GALNT1: variants seen among roughly 807,000 people sequenced by gnomAD.
GALNT1 encodes the protein GalNAc transferase 1.
GALNT1 carries 17 observed loss-of-function variants against 65.7 expected under a neutral mutation model. The ratio of observed to expected loss-of-function variants is 0.26; its 90% CI spans 0.18 to 0.39. The LOEUF (loss-of-function observed/expected upper bound fraction) is 0.39, where lower values mean the gene tolerates loss of function less well. Ranked by LOEUF, GALNT1 falls within the 10% of genes least tolerant of loss-of-function variation. The probability of loss-of-function intolerance (pLI) is 1.00; values close to 1 mark genes in which losing one functional copy is unlikely to be tolerated. For synonymous variants in GALNT1, 210 were observed against 219.7 expected (o/e 0.96, Z 0.39); for missense variants, 460 against 672.8 (o/e 0.68, Z 3.50).
chr18:35,628,660 C>T (rs906196340), intron 1 of GALNT1, among the ~76,000 whole-genome samples: 3 of 152,054 alleles, frequency 2.0e-5, no homozygotes, highest in African/African-American at 7.3e-5. Context: ...ATCAGAGCAC[C>T]TCTCCTCCTC....
At chr18:35,680,527 A>G (rs1383998985) in intron 4 of GALNT1, among the ~76,000 whole-genome samples, 2 of 152,242 alleles carry the variant, frequency 1.3e-5, no homozygotes, top group Non-Finnish European at 2.9e-5. Context: ...CTAGAATTAT[A>G]TAATGAATGG....
intron 6 of GALNT1, among the ~76,000 whole-genome samples, chr18:35,687,658 G>T (rs933177923): frequency 2.6e-5 from 4 of 151,992 alleles, no homozygotes; most frequent in African/African-American, 7.2e-5. Context: ...AAAATAGCTA[G>T]AATTGACACA....
chr18:35,582,935 G>T (rs770328040), intron 1 of GALNT1, among the ~76,000 whole-genome samples: 1 of 152,102 alleles, frequency 6.6e-6, no homozygotes, highest in Non-Finnish European at 1.5e-5. Context: ...TCAGCTCCTC[G>T]GTCACAGTAG....
chr18:35,597,544 T>C (rs962623398), intron 1 of GALNT1: 6 of 152,348 alleles, frequency 3.9e-5, no homozygotes, highest in Middle Eastern at 3.2e-3. Context: ...GTGTCTGATA[T>C]TGGCCCTTTA....
chr18:35,596,764 T>A (rs2046510185), intron 1 of GALNT1: 1 of 152,264 alleles, frequency 6.6e-6, no homozygotes, highest in South Asian at 2.1e-4. Context: ...ATTCCATTGC[T>A]CATCACATCT....
At chr18:35,648,512 T>C (rs2047267004) in intron 1 of GALNT1, among the ~76,000 whole-genome samples, 1 of 152,234 alleles carries the variant, frequency 6.6e-6, no homozygotes, top group Non-Finnish European at 1.5e-5. Context: ...TTAATCACTA[T>C]ACTTTGATAT....
intron 1 of GALNT1, among the ~76,000 whole-genome samples, chr18:35,652,112 T>A (rs1354441310): frequency 5.9e-5 from 9 of 152,156 alleles, no homozygotes; most frequent in Non-Finnish European, 1.0e-4. Flanking sequence ...TTCTTCCTGG[T>A]ACGGTTATGA....
chr18:35,617,178 A>C (rs1024559647), intron 1 of GALNT1, among the ~76,000 whole-genome samples: 5 of 152,056 alleles, frequency 3.3e-5, no homozygotes, highest in African/African-American at 1.2e-4. Flanking sequence ...CATTTATTAC[A>C]GGTATTTATA....
chr18:35,613,315 A>C (rs1420336742), intron 1 of GALNT1, among the ~76,000 whole-genome samples: 1 of 152,148 alleles, frequency 6.6e-6, no homozygotes, highest in African/African-American at 2.4e-5. Flanking sequence ...AGACTATTCA[A>C]AACTTTAAGA....
At chr18:35,642,764 C>T (rs11877196) in intron 1 of GALNT1, among the ~76,000 whole-genome samples, 41,903 of 151,906 alleles carry the variant, frequency 0.28, 7,065 homozygotes, top group Non-Finnish European at 0.37. Flanking sequence ...TCCCTGGTTC[C>T]CCAAGCATTC....
Position 35,603,988 on chromosome 18 carries a change from T to C in GALNT1, c.-104+22126T>C, listed in dbSNP as rs1362064130. Among the ~76,000 whole-genome samples the C allele has an allele frequency of 3.9e-5, 6 of 152,190 alleles. No homozygotes were observed. The East Asian group carries it at 1.2e-3, about 29-fold the overall frequency. On this transcript the variant is annotated intron_variant, in intron 1 of 11. Transcript: ENST00000269195. ...AGGTTTGTTACATGGGTATATTGCA[T>C]GCCACTGGGGTTTGGTGTGCAGATT...
At chr18:35,684,088 CA>C (rs1292981922) in intron 5 of GALNT1, among the ~76,000 whole-genome samples, 2 of 152,216 alleles carry the variant, frequency 1.3e-5, no homozygotes, top group Non-Finnish European at 2.9e-5. Context: ...GTGTAATGAA[CA>C]CCTGTGGTTA....
At chr18:35,614,339 TAAAAA>T (rs920512677) in intron 1 of GALNT1, among the ~76,000 whole-genome samples, 41 of 152,152 alleles carry the variant, frequency 2.7e-4, no homozygotes, top group Middle Eastern at 3.4e-3. Flanking sequence ...AGTTTAAAGT[TAAAAA>T]AACCATATCA....
Position 35,677,690 on chromosome 18 carries a change from T to C in GALNT1, c.414T>C (p.Ser138=), listed in dbSNP as rs1303740774. The change falls in exon 4 of 12, where the codon AGT becomes AGC. Residue 138 remains serine, a synonymous_variant. Transcript: ENST00000269195. Reference sequence around the variant, plus strand: ...GCACACTTCTGCGAACTGTCCATAGTGTCATTAATCGCTCACCAAGACACA... The same window carrying C: ...GCACACTTCTGCGAACTGTCCATAGCGTCATTAATCGCTCACCAAGACACA... The part of the protein sequence containing the change: ...AWSTLLRTVH[S]VINRSPRHMI... 5 of 1,613,138 alleles carry C rather than the reference T, an allele frequency of 3.1e-6. No individual in the cohort carries two copies. In the Admixed American group the frequency reaches 5.0e-5, roughly 16 times the overall value.
chr18:35,702,797 A>T (rs1319997761), intron 9 of GALNT1, 100 bp from the exon 10 acceptor site: 3 of 687,480 alleles, frequency 4.4e-6, no homozygotes, highest in African/African-American at 1.8e-5. Context: ...GAGTAGGGCC[A>T]GGGAAAGTTT....
At chr18:35,593,804 G>C (rs2046473142) in intron 1 of GALNT1, among the ~76,000 whole-genome samples, 1 of 152,056 alleles carries the variant, frequency 6.6e-6, no homozygotes, top group South Asian at 2.1e-4. Flanking sequence ...CGCCTCTCGG[G>C]TTCAAGCTAT....
At chr18:35,671,377 C>T (rs113753686) in intron 3 of GALNT1, among the ~76,000 whole-genome samples, 1 of 152,216 alleles carries the variant, frequency 6.6e-6, no homozygotes, top group East Asian at 1.9e-4. Context: ...CCACTACACT[C>T]GGCTAATTTT....
intron 1 of GALNT1, among the ~76,000 whole-genome samples, chr18:35,607,788 T>G (rs1568014872): frequency 6.6e-6 from 1 of 152,168 alleles, no homozygotes; most frequent in Non-Finnish European, 1.5e-5. Flanking sequence ...TATGTGAAGT[T>G]ACACTCAAGG....
intron 4 of GALNT1, among the ~76,000 whole-genome samples, chr18:35,678,407 G>T (rs1039920319): frequency 1.3e-5 from 2 of 152,098 alleles, no homozygotes; most frequent in Non-Finnish European, 2.9e-5. Flanking sequence ...ACTATTTCAT[G>T]AAATACTCTT....
Sources: gnomAD v4.1 joint callset for allele counts (sites outside exome capture counted in the v4.1 genomes callset) on GRCh38, gnomAD v4.1.1 for gene constraint, MANE v1.5 for transcripts, NCBI Gene and HGNC (gene_info 2026-07-23, HGNC 2026-07-21) for gene names.